The following TLK1 variants were observed in gnomAD, a reference collection of about 807,000 sequenced individuals.
TLK1 encodes tousled like kinase 1.
Under a neutral mutation model 105.3 loss-of-function variants are expected in TLK1, and 24 were observed. The observed-to-expected ratio is 0.23, with a 90% confidence interval of 0.17 to 0.32. The LOEUF (loss-of-function observed/expected upper bound fraction) is 0.32, where lower values mean the gene tolerates loss of function less well. Among genes scored for constraint, TLK1 ranks in the 10% least tolerant of loss-of-function variants. The probability of loss-of-function intolerance (pLI) is 1.00; values close to 1 mark genes in which losing one functional copy is unlikely to be tolerated. For missense variants in TLK1, 558 were observed against 910.5 expected (o/e 0.61, Z 4.98); for synonymous variants, 321 against 310.4 (o/e 1.03, Z -0.36).
intron 1 of TLK1, among the ~76,000 whole-genome samples, chr2:171,151,436 G>A (rs1010943358): frequency 4.6e-5 from 7 of 151,722 alleles, no homozygotes; most frequent in Admixed American, 6.6e-5. Flanking sequence ...TACAAATGCC[G>A]GGAATAGTGT....
At chr2:171,139,288 C>A (rs190431530) in intron 1 of TLK1, among the ~76,000 whole-genome samples, 25 of 141,252 alleles carry the variant, frequency 1.8e-4, no homozygotes, top group African/African-American at 4.6e-4. Context: ...TAGCCGGTTG[C>A]CAAAAAAACT....
intron 1 of TLK1, among the ~76,000 whole-genome samples, chr2:171,153,275 C>T (rs1463535732): frequency 1.3e-5 from 2 of 152,174 alleles, no homozygotes; most frequent in Non-Finnish European, 1.5e-5. Flanking sequence ...ATGGGAATAA[C>T]AACTGTATGT....
intron 1 of TLK1, among the ~76,000 whole-genome samples, chr2:171,179,350 G>C (rs957235863): frequency 2.0e-5 from 3 of 152,034 alleles, no homozygotes; most frequent in Non-Finnish European, 2.9e-5. Context: ...TAATCTAGCA[G>C]TTAAGAGAAT....
At chr2:171,017,515 TA>T (rs1262498577) in intron 12 of TLK1, among the ~76,000 whole-genome samples, 2 of 152,196 alleles carry the variant, frequency 1.3e-5, no homozygotes, top group African/African-American at 4.8e-5. Flanking sequence ...GAGTCATAAA[TA>T]AGTAAGATTC....
chr2:171,115,270 C>G (rs1240677466), intron 2 of TLK1, among the ~76,000 whole-genome samples: 1 of 150,898 alleles, frequency 6.6e-6, no homozygotes, highest in Non-Finnish European at 1.5e-5. Flanking sequence ...CTCCCAGGTT[C>G]AAGCAATTCT....
At chr2:171,230,674 G>A (rs1268042888) in intron 1 of TLK1, among the ~76,000 whole-genome samples, 1 of 152,076 alleles carries the variant, frequency 6.6e-6, no homozygotes, top group Non-Finnish European at 1.5e-5. Context: ...TTTCTTTTCT[G>A]CAACCTGGTG....
chr2:171,048,792 T>C (rs1436911005), intron 10 of TLK1, among the ~76,000 whole-genome samples: 1 of 152,198 alleles, frequency 6.6e-6, no homozygotes, highest in Non-Finnish European at 1.5e-5. Flanking sequence ...TGTGATACCA[T>C]GTGAAAGTAA....
chr2:171,191,824 G>T (rs1010261110), intron 1 of TLK1, among the ~76,000 whole-genome samples: 4 of 152,068 alleles, frequency 2.6e-5, no homozygotes, highest in African/African-American at 9.7e-5. Flanking sequence ...AATGTGTCCT[G>T]TAAACTGTGA....
At chr2:171,066,815 T>C in intron 3 of TLK1, 1 of 1,549,116 alleles carries the variant, frequency 6.5e-7, no homozygotes, top group Non-Finnish European at 8.7e-7. Flanking sequence ...TAGAATAAAG[T>C]TGAACTTTCT....
chr2:171,030,515 T>C (rs1327052108), intron 11 of TLK1, among the ~76,000 whole-genome samples: 1 of 152,042 alleles, frequency 6.6e-6, no homozygotes, highest in Non-Finnish European at 1.5e-5. Context: ...GAAAATGAGG[T>C]TTGAAAACTA....
intron 1 of TLK1, among the ~76,000 whole-genome samples, chr2:171,121,259 C>T (rs553994309): frequency 1.3e-5 from 2 of 152,066 alleles, no homozygotes; most frequent in South Asian, 4.2e-4. Flanking sequence ...AATTAGATGT[C>T]GCGGCGCCTG....
chr2:171,221,186 AG>A (rs1403646993), intron 1 of TLK1, among the ~76,000 whole-genome samples: 2 of 152,168 alleles, frequency 1.3e-5, no homozygotes, highest in Non-Finnish European at 2.9e-5. Context: ...TTCTTTTACC[AG>A]GAAGTGTAAT....
intron 1 of TLK1, chr2:171,155,854 G>A (rs1261318592): frequency 2.0e-5 from 3 of 152,066 alleles, no homozygotes; most frequent in South Asian, 2.1e-4. Flanking sequence ...ATTTTCACCC[G>A]TTGGTCTGCC....
intron 1 of TLK1, among the ~76,000 whole-genome samples, chr2:171,148,912 T>C (rs2105592309): frequency 7.2e-6 from 1 of 138,598 alleles, no homozygotes; most frequent in South Asian, 2.4e-4. Context: ...TATATATATA[T>C]GTGTGTGTGT....
At chr2:171,079,881 A>T (rs1688672379) in intron 3 of TLK1, among the ~76,000 whole-genome samples, 1 of 152,204 alleles carries the variant, frequency 6.6e-6, no homozygotes, top group Non-Finnish European at 1.5e-5. Flanking sequence ...GTGGTGAGTT[A>T]AAACCATCAC....
intron 11 of TLK1, among the ~76,000 whole-genome samples, chr2:171,043,327 G>A (rs779172615): frequency 2.0e-5 from 3 of 152,180 alleles, no homozygotes; most frequent in Non-Finnish European, 4.4e-5. Flanking sequence ...TTAAGACAAT[G>A]GGTGAGAGTC....
chr2:171,178,320 G>GTCTGTGCTCTCAACTGT (rs1468456415), intron 1 of TLK1, among the ~76,000 whole-genome samples: 2 of 152,206 alleles, frequency 1.3e-5, no homozygotes, highest in Non-Finnish European at 2.9e-5. Context: ...TTGAGGCCAA[G>GTCTGTGCTCTCAACTGT]TCTGTGCTCT....
intron 1 of TLK1, among the ~76,000 whole-genome samples, chr2:171,152,283 T>A (rs535444445): frequency 2.7e-4 from 41 of 152,356 alleles, no homozygotes; most frequent in African/African-American, 9.4e-4. Context: ...CTATGTAGAA[T>A]ATAATCACTT....
chr2:171,156,432 T>C (rs1045823518), intron 1 of TLK1, among the ~76,000 whole-genome samples: 3 of 152,244 alleles, frequency 2.0e-5, no homozygotes, highest in African/African-American at 7.2e-5. Flanking sequence ...TATTAGTAGA[T>C]ATAATCTACA....
Sources: gnomAD v4.1 joint callset for allele counts (sites outside exome capture counted in the v4.1 genomes callset) on GRCh38, gnomAD v4.1.1 for gene constraint, MANE v1.5 for transcripts, NCBI Gene and HGNC (gene_info 2026-07-23, HGNC 2026-07-21) for gene names.